The following TTC34 variants were observed in gnomAD, a reference collection of about 807,000 sequenced individuals.
The protein encoded by TTC34 is tetratricopeptide repeat protein 34.
TTC34 carries 44 observed loss-of-function variants against 40.7 expected under a neutral mutation model. The observed-to-expected ratio is 1.08, with a 90% confidence interval of 0.85 to 1.39. The LOEUF (loss-of-function observed/expected upper bound fraction) is 1.39, where lower values mean the gene tolerates loss of function less well. TTC34 is among the 40% of genes most tolerant of loss of function. TTC34 has a pLI of 0.00. For missense variants in TTC34, 884 were observed against 838.0 expected (o/e 1.05, Z -0.68); for synonymous variants, 422 against 398.6 (o/e 1.06, Z -0.70).
intron 6 of TTC34, among the ~76,000 whole-genome samples, chr1:2,764,452 G>A (rs1259593403): frequency 6.9e-6 from 1 of 143,904 alleles, no homozygotes; most frequent in African/African-American, 2.7e-5. Flanking sequence ...GCCTGGGGCA[G>A]TGCCCACAGC....
At chr1:2,784,750 G>A (rs1643551637) in intron 5 of TTC34, among the ~76,000 whole-genome samples, 1 of 152,174 alleles carries the variant, frequency 6.6e-6, no homozygotes, top group South Asian at 2.1e-4. Flanking sequence ...GATTAATAAT[G>A]ATTAATAATT....
chr1:2,783,819 C>T, intron 5 of TTC34, 44 bp from the exon 6 acceptor site: 2 of 1,402,084 alleles, frequency 1.4e-6, no homozygotes, highest in Non-Finnish European at 1.9e-6. Context: ...TATGCTGGGT[C>T]CCTTCCCCAG....
exon 9 of TTC34, chr1:2,641,535 C>T (rs1383936294): frequency 6.5e-7 from 1 of 1,534,604 alleles, no homozygotes; most frequent in Non-Finnish European, 8.7e-7. Flanking sequence ...AACATGCGTG[C>T]AGTGGGGGCC....
At chr1:2,653,598 A>G (rs1639228421) in intron 6 of TTC34, among the ~76,000 whole-genome samples, 1 of 133,482 alleles carries the variant, frequency 7.5e-6, no homozygotes, top group African/African-American at 2.9e-5. Flanking sequence ...ATCGTGGAGC[A>G]GCACCCTACA....
chr1:2,652,403 C>A (rs1197238514), intron 6 of TTC34, among the ~76,000 whole-genome samples: 240 of 127,382 alleles, frequency 1.9e-3, no homozygotes, highest in Middle Eastern at 0.01. Context: ...GCAGCACGCA[C>A]ACCCCCAGTG....
intron 6 of TTC34, among the ~76,000 whole-genome samples, chr1:2,698,506 AGCC>A (rs1640972141): frequency 5.9e-5 from 2 of 34,038 alleles, no homozygotes; most frequent in Admixed American, 3.4e-4. Flanking sequence ...AGCATCTGAC[AGCC>A]TGAAGCAGCA....
chr1:2,789,591 T>A lies in TTC34; in HGVS notation c.1540A>T (p.Met514Leu), dbSNP rs370237500. 1.8e-3 allele frequency: 2,522 copies of A among 1,431,430 alleles called. 48 individuals are homozygous for A. The African/African-American group carries it at 0.033, about 19-fold the overall frequency. 88.7% of individuals were successfully genotyped at this position (1,431,430 alleles called of 1,614,324 possible). A position where few individuals can be genotyped will look rare whatever the true frequency, so the allele number is the denominator to read the frequency against. ...CCGGCGCGTGGAGATCGCTGCAGCA[T>A]CCCACGGGCCTCCTCCCGCAGCACC... The change falls in exon 3 of 9, where the codon ATG becomes TTG. Residue 514 changes from methionine to leucine, a missense_variant. By Grantham distance (15) the Met-to-Leu change is conservative. Transcript: ENST00000401095.
chr1:2,681,783 A>AC (rs2100315687), intron 6 of TTC34, among the ~76,000 whole-genome samples: 1 of 114,482 alleles, frequency 8.7e-6, no homozygotes, highest in East Asian at 2.4e-4. Context: ...CGGCACCCAC[A>AC]CCCCCAGGTG....
intron 6 of TTC34, among the ~76,000 whole-genome samples, chr1:2,687,064 G>C (rs1344127804): frequency 5.6e-5 from 8 of 141,836 alleles, no homozygotes; most frequent in Admixed American, 1.4e-4. Flanking sequence ...GCATCCGACA[G>C]CCTGGAGCAG....
At chr1:2,750,579 C>T (rs2100428004) in intron 6 of TTC34, among the ~76,000 whole-genome samples, 1 of 151,728 alleles carries the variant, frequency 6.6e-6, no homozygotes, top group Non-Finnish European at 1.5e-5. Flanking sequence ...AGGTGAGCAT[C>T]TGACATCGTG....
At chr1:2,757,532 C>T (rs1641546391) in intron 6 of TTC34, among the ~76,000 whole-genome samples, 2 of 143,018 alleles carry the variant, frequency 1.4e-5, no homozygotes, top group African/African-American at 5.5e-5. Flanking sequence ...CATCTGACAG[C>T]CTGGAACAGC....
intron 1 of TTC34, 56 bp from the exon 2 acceptor site, chr1:2,800,924 T>C (rs1643765886): frequency 2.5e-6 from 1 of 398,260 alleles, no homozygotes. Context: ...TCCTGCCCTG[T>C]GGCCACCCGT....
chr1:2,748,539 CAGCCT>C (rs1641219929), intron 6 of TTC34, among the ~76,000 whole-genome samples: 116 of 11,596 alleles, frequency 0.01, 2 homozygotes, highest in African/African-American at 0.038. Context: ...GAGCATCTGA[CAGCCT>C]GGAACAGCAA....
chr1:2,789,086 AAAAAC>A (rs759384730), intron 3 of TTC34, among the ~76,000 whole-genome samples: 1 of 152,254 alleles, frequency 6.6e-6, no homozygotes, highest in Admixed American at 6.5e-5. Flanking sequence ...TCAAAGAACA[AAAAAC>A]AAAACAAAAC....
intron 6 of TTC34, among the ~76,000 whole-genome samples, chr1:2,675,662 C>A (rs201509567): frequency 1.8e-5 from 2 of 111,576 alleles, no homozygotes; most frequent in Admixed American, 9.5e-5. Context: ...GAGCATCCGA[C>A]AGCCTGGAGC....
At chr1:2,699,138 T>C (rs1328324323) in intron 6 of TTC34, among the ~76,000 whole-genome samples, 1 of 127,638 alleles carries the variant, frequency 7.8e-6, no homozygotes, top group African/African-American at 3.0e-5. Context: ...CACCCCCAGG[T>C]TAGCATCTGA....
intron 6 of TTC34, among the ~76,000 whole-genome samples, chr1:2,768,451 C>T (rs1019000890): frequency 6.6e-6 from 1 of 150,770 alleles, no homozygotes. Flanking sequence ...TGGAACAGAA[C>T]CCCACAACTT....
intron 6 of TTC34, among the ~76,000 whole-genome samples, chr1:2,750,083 A>T (rs1192448061): frequency 5.5e-5 from 2 of 36,654 alleles, no homozygotes; most frequent in Non-Finnish European, 4.9e-5. Flanking sequence ...CAGCAGGCAC[A>T]CCCCCAGTGA....
intron 6 of TTC34, among the ~76,000 whole-genome samples, chr1:2,677,712 C>T (rs1343099638): frequency 1.0e-4 from 15 of 150,130 alleles, no homozygotes; most frequent in Non-Finnish European, 8.9e-5. Flanking sequence ...CATCTGACAG[C>T]CTGGAACAGC....
Sources: gnomAD v4.1 joint callset for allele counts (sites outside exome capture counted in the v4.1 genomes callset) on GRCh38, gnomAD v4.1.1 for gene constraint, MANE v1.5 for transcripts, NCBI Gene and HGNC (gene_info 2026-07-23, HGNC 2026-07-21) for gene names.